The following SDCBP variants were observed in gnomAD, a reference collection of about 807,000 sequenced individuals.
SDCBP encodes the protein syntenin-1.
In SDCBP, 22 loss-of-function variants were observed where a neutral mutation model predicts 30.5. The observed-to-expected ratio is 0.72, with a 90% confidence interval of 0.52 to 1.03. SDCBP has a LOEUF of 1.03. SDCBP is among the 50% of genes least tolerant of loss of function. The pLI is 0.00. For synonymous variants in SDCBP, 103 were observed against 118.7 expected (o/e 0.87, Z 0.86); for missense variants, 304 against 369.9 (o/e 0.82, Z 1.46).
At chr8:58,554,726 G>A (rs1804004367) in intron 1 of SDCBP, among the ~76,000 whole-genome samples, 1 of 152,094 alleles carries the variant, frequency 6.6e-6, no homozygotes, top group Admixed American at 6.5e-5. Flanking sequence ...TGCCAGATTT[G>A]GGAACTTTTT....
At chr8:58,570,669 TTG>T in intron 2 of SDCBP, 1 of 437,738 alleles carries the variant, frequency 2.3e-6, no homozygotes. Context: ...TACAATTTTT[TTG>T]TGATAGCCTT....
chr8:58,562,548 T>C (rs1804494455), intron 1 of SDCBP, among the ~76,000 whole-genome samples: 1 of 124,178 alleles, frequency 8.1e-6, no homozygotes, highest in Non-Finnish European at 1.7e-5. Context: ...CATACAGTTA[T>C]GATCACTTTT....
intron 1 of SDCBP, among the ~76,000 whole-genome samples, chr8:58,558,574 C>T (rs1007380465): frequency 9.9e-5 from 15 of 152,182 alleles, no homozygotes; most frequent in Non-Finnish European, 2.2e-4. Flanking sequence ...CTGCGCCCAG[C>T]TACATTTGAT....
At chr8:58,566,733 C>A (rs1804724280) in intron 2 of SDCBP, among the ~76,000 whole-genome samples, 1 of 151,944 alleles carries the variant, frequency 6.6e-6, no homozygotes, top group African/African-American at 2.4e-5. Context: ...TGTTTTTATT[C>A]TTAAGATTCT....
At chr8:58,581,348 T>C (rs1805671071) in intron 8 of SDCBP, among the ~76,000 whole-genome samples, 1 of 152,208 alleles carries the variant, frequency 6.6e-6, no homozygotes, top group African/African-American at 2.4e-5. Flanking sequence ...TCTAGGGTTC[T>C]CTTTTCTTAA....
intron 3 of SDCBP, among the ~76,000 whole-genome samples, chr8:58,571,398 T>C (rs1413092727): frequency 6.6e-6 from 1 of 152,174 alleles, no homozygotes; most frequent in Non-Finnish European, 1.5e-5. Flanking sequence ...TCCTAAATCT[T>C]AAGGCCTTTA....
At chr8:58,575,127 G>A (rs79821626) in intron 4 of SDCBP, among the ~76,000 whole-genome samples, 270 of 152,204 alleles carry the variant, frequency 1.8e-3, no homozygotes, top group African/African-American at 6.2e-3. Context: ...GACAGTACTT[G>A]TCTTTCTGTG....
At chr8:58,572,997 C>T (rs576765742) in intron 4 of SDCBP, among the ~76,000 whole-genome samples, 1 of 151,562 alleles carries the variant, frequency 6.6e-6, no homozygotes, top group East Asian at 1.9e-4. Context: ...TAGTAGAGAC[C>T]GGGTTTCACC....
At chr8:58,553,786 G>C (rs1056415018) in intron 1 of SDCBP, among the ~76,000 whole-genome samples, 1 of 152,202 alleles carries the variant, frequency 6.6e-6, no homozygotes, top group Non-Finnish European at 1.5e-5. Flanking sequence ...TGGGTTATTC[G>C]GAAAGTCCTG....
At chr8:58,554,324 G>C (rs920942140) in intron 1 of SDCBP, among the ~76,000 whole-genome samples, 1 of 152,218 alleles carries the variant, frequency 6.6e-6, no homozygotes, top group Non-Finnish European at 1.5e-5. Context: ...TATGTGATTA[G>C]TTAAAACTCA....
chr8:58,557,916 C>T (rs892205157), intron 1 of SDCBP, among the ~76,000 whole-genome samples: 3 of 152,298 alleles, frequency 2.0e-5, no homozygotes, highest in Middle Eastern at 3.4e-3. Flanking sequence ...AAATGAGATT[C>T]TTCCACTGAT....
At chr8:58,561,689 C>A in intron 1 of SDCBP, 1 of 634,474 alleles carries the variant, frequency 1.6e-6, no homozygotes, top group South Asian at 1.8e-5. Flanking sequence ...GACTTAAACG[C>A]CAATGGGAGT....
At chr8:58,572,182 T>A in intron 3 of SDCBP, 23 bp from the exon 4 acceptor site, 1 of 1,450,886 alleles carries the variant, frequency 6.9e-7, no homozygotes, top group Non-Finnish European at 9.6e-7. Context: ...AAGTGCTTTT[T>A]AATTTATTCA....
At chr8:58,577,856 A>T in intron 5 of SDCBP, 177 bp from the exon 6 acceptor site, 1 of 471,160 alleles carries the variant, frequency 2.1e-6, no homozygotes. Flanking sequence ...TAAATTTTTC[A>T]GTTTCTTTTG....
chr8:58,558,364 C>G (rs1041893911), intron 1 of SDCBP, among the ~76,000 whole-genome samples: 1 of 152,174 alleles, frequency 6.6e-6, no homozygotes, highest in Non-Finnish European at 1.5e-5. Flanking sequence ...TCACTGCAGC[C>G]TCAACCTCCT....
Position 58,581,721 on chromosome 8 carries a change from A to G in SDCBP, c.878A>G (p.His293Arg). Reference protein sequence around the residue: ...APSIMKSLMDHTIPEV With the variant: ...APSIMKSLMDRTIPEV Reference sequence around the variant, plus strand: ...AGCATTATGAAAAGCCTAATGGACCACACCATTCCTGAGGTTTAAAATTCA... The same window carrying G: ...AGCATTATGAAAAGCCTAATGGACCGCACCATTCCTGAGGTTTAAAATTCA... Residue 293 changes from histidine to arginine, a missense_variant, in exon 9 of 9, where the codon CAC becomes CGC. Physicochemically the swap from His to Arg is conservative, Grantham distance 29. Transcript: ENST00000260130. The G allele has an allele frequency of 1.9e-6, 3 of 1,612,528 alleles. No homozygotes were observed. Among genetic ancestry groups the G allele is most frequent in the Non-Finnish European group, 2.5e-6 (3 of 1,179,304 alleles).
At chr8:58,559,749 A>G (rs1380518135) in intron 1 of SDCBP, among the ~76,000 whole-genome samples, 1 of 152,212 alleles carries the variant, frequency 6.6e-6, no homozygotes, top group Non-Finnish European at 1.5e-5. Context: ...TTCAATAACA[A>G]TACACACACC....
At chr8:58,566,131 T>G (rs934918229) in intron 2 of SDCBP, among the ~76,000 whole-genome samples, 10 of 152,194 alleles carry the variant, frequency 6.6e-5, no homozygotes, top group African/African-American at 2.2e-4. Flanking sequence ...TATCACTTCT[T>G]TAGTATTTTG....
intron 1 of SDCBP, chr8:58,561,740 A>G (rs1206714400): frequency 1.5e-6 from 1 of 682,660 alleles, no homozygotes; most frequent in Non-Finnish European, 2.6e-6. Flanking sequence ...ATGAAAGTAT[A>G]AAATTAAATG....
Sources: gnomAD v4.1 joint callset for allele counts (sites outside exome capture counted in the v4.1 genomes callset) on GRCh38, gnomAD v4.1.1 for gene constraint, MANE v1.5 for transcripts, NCBI Gene and HGNC (gene_info 2026-07-23, HGNC 2026-07-21) for gene names.